The following RIPOR3 variants were observed in gnomAD, a reference collection of about 807,000 sequenced individuals.
RIPOR3 encodes family with sequence similarity 65 member C.
RIPOR3 carries 95 observed loss-of-function variants against 114.3 expected under a neutral mutation model. The ratio of observed to expected loss-of-function variants is 0.83; its 90% CI spans 0.70 to 0.99. The LOEUF is 0.99. RIPOR3 is among the 50% of genes least tolerant of loss of function. The pLI is 0.00. For synonymous variants in RIPOR3, 575 were observed against 543.8 expected, an observed-to-expected ratio of 1.06 and a Z score of -0.80; for missense variants, 1,252 against 1,266.9, an observed-to-expected ratio of 0.99 and a Z score of 0.18.
At chr20:50,645,242 G>T (rs935682811) in intron 1 of RIPOR3, among the ~76,000 whole-genome samples, 1 of 152,198 alleles carries the variant, frequency 6.6e-6, no homozygotes, top group Non-Finnish European at 1.5e-5. Flanking sequence ...GGCAGGGACG[G>T]CCAAAAGCTC....
chr20:50,618,642 C>T (rs1367460682), intron 3 of RIPOR3, among the ~76,000 whole-genome samples: 1 of 152,184 alleles, frequency 6.6e-6, no homozygotes, highest in Non-Finnish European at 1.5e-5. Flanking sequence ...CCCTTACTAC[C>T]ATCTGATATT....
At chr20:50,661,747 G>A (rs892127467) in intron 1 of RIPOR3, among the ~76,000 whole-genome samples, 5 of 152,206 alleles carry the variant, frequency 3.3e-5, no homozygotes, top group African/African-American at 9.7e-5. Flanking sequence ...TAAAGGGCAG[G>A]TCGGGGCCTG....
At chr20:50,640,931 C>T (rs1600659746) in intron 1 of RIPOR3, among the ~76,000 whole-genome samples, 2 of 133,358 alleles carry the variant, frequency 1.5e-5, no homozygotes, top group East Asian at 2.1e-4. Context: ...TTTTTTGAGA[C>T]GGAGCTTTGC....
intron 1 of RIPOR3, among the ~76,000 whole-genome samples, chr20:50,651,380 T>C (rs1448595519): frequency 6.6e-6 from 1 of 152,208 alleles, no homozygotes; most frequent in Non-Finnish European, 1.5e-5. Flanking sequence ...AACTCAGCCA[T>C]GCCAGACTCT....
chr20:50,606,559 C>T (rs2083724168), intron 11 of RIPOR3, among the ~76,000 whole-genome samples: 1 of 152,146 alleles, frequency 6.6e-6, no homozygotes, highest in Non-Finnish European at 1.5e-5. Flanking sequence ...CCTCTATCTG[C>T]ATAGGGCGCC....
chr20:50,588,780 C>T (rs1368783101), intron 20 of RIPOR3, among the ~76,000 whole-genome samples: 1 of 146,632 alleles, frequency 6.8e-6, no homozygotes, highest in South Asian at 2.2e-4. Context: ...AAAAAAAACA[C>T]CACAAATAAA....
intron 1 of RIPOR3, among the ~76,000 whole-genome samples, chr20:50,671,298 C>G (rs1423886918): frequency 2.6e-5 from 4 of 152,128 alleles, no homozygotes; most frequent in Admixed American, 2.6e-4. Flanking sequence ...CATGGGTAGG[C>G]ACTTCTAATG....
chr20:50,670,675 C>T (rs1370053931), intron 1 of RIPOR3, among the ~76,000 whole-genome samples: 1 of 152,146 alleles, frequency 6.6e-6, no homozygotes, highest in African/African-American at 2.4e-5. Context: ...TGTTAGTAGG[C>T]GCTCAGTAAA....
chr20:50,611,122 GCA>G, intron 5 of RIPOR3, 57 bp downstream of exon 5: 1 of 1,612,352 alleles, frequency 6.2e-7, no homozygotes, highest in Admixed American at 1.7e-5. Flanking sequence ...ATGCAATGAG[GCA>G]CAGTCATTCT....
intron 1 of RIPOR3, among the ~76,000 whole-genome samples, chr20:50,677,671 CTTT>C (rs1341300055): frequency 3.1e-5 from 4 of 130,714 alleles, no homozygotes. Flanking sequence ...CGCGCCTGGC[CTTT>C]TTTTTTTTTT....
intron 1 of RIPOR3, among the ~76,000 whole-genome samples, chr20:50,679,446 C>A (rs1412961600): frequency 6.6e-6 from 1 of 150,596 alleles, no homozygotes; most frequent in Non-Finnish European, 1.5e-5. Flanking sequence ...AGTTCGAGAC[C>A]AGCCTGGGCA....
chr20:50,619,078 G>A (rs1018670421), intron 3 of RIPOR3, among the ~76,000 whole-genome samples: 2 of 152,090 alleles, frequency 1.3e-5, no homozygotes, highest in African/African-American at 4.8e-5. Context: ...CAGGCGTGGT[G>A]GCAGGTGCCT....
chr20:50,605,594 C>G (rs1372717914), intron 11 of RIPOR3, among the ~76,000 whole-genome samples: 1 of 151,806 alleles, frequency 6.6e-6, no homozygotes, highest in Non-Finnish European at 1.5e-5. Flanking sequence ...CCTGGCAAAA[C>G]CCCCGTCTCT....
At chr20:50,667,868 C>T (rs1379197357) in intron 1 of RIPOR3, among the ~76,000 whole-genome samples, 3 of 152,184 alleles carry the variant, frequency 2.0e-5, no homozygotes, top group Non-Finnish European at 4.4e-5. Flanking sequence ...AGTTCCGTAG[C>T]CTCTCTGAGC....
rs138342331 is a variant in RIPOR3 at position 50,680,667 on chromosome 20, C to T, written c.3+10459G>A. On this transcript the variant is annotated intron_variant, in intron 1 of 21. Coordinates refer to ENST00000327979, the MANE Select transcript of RIPOR3 (RefSeq NM_001290268.2). ...ACAGCTCAACCAGAGCAGCCTCTTA[C>T]GCAATACAATGGTCATGAAGGTCAG... Among the ~76,000 whole-genome samples the T allele has an allele frequency of 8.6e-3, 1,303 of 152,350 alleles. 26 individuals carry two copies. Among genetic ancestry groups the T allele is most frequent in the African/African-American group, 0.029 (1,200 of 41,592 alleles).
chr20:50,680,164 C>T (rs1024312406), intron 1 of RIPOR3, among the ~76,000 whole-genome samples: 2 of 152,200 alleles, frequency 1.3e-5, no homozygotes, highest in African/African-American at 2.4e-5. Context: ...TGTCATTAGA[C>T]GAGGCTCAAC....
intron 11 of RIPOR3, 87 bp downstream of exon 11, chr20:50,608,302 G>C: frequency 1.9e-6 from 3 of 1,575,820 alleles, no homozygotes; most frequent in Non-Finnish European, 2.6e-6. Flanking sequence ...GGCAGAGGCT[G>C]GTGCAGGAAC....
chr20:50,649,753 G>T (rs574663633), intron 1 of RIPOR3, among the ~76,000 whole-genome samples: 117 of 152,340 alleles, frequency 7.7e-4, no homozygotes, highest in African/African-American at 2.6e-3. Flanking sequence ...AGTTTACAGG[G>T]AAGCGCTCCC....
intron 11 of RIPOR3, among the ~76,000 whole-genome samples, chr20:50,608,043 A>G (rs943981343): frequency 6.6e-6 from 1 of 151,874 alleles, no homozygotes; most frequent in African/African-American, 2.4e-5. Context: ...TCGGCCAGGA[A>G]TGAGGGGGTG....
Sources: gnomAD v4.1 joint callset for allele counts (sites outside exome capture counted in the v4.1 genomes callset) on GRCh38, gnomAD v4.1.1 for gene constraint, MANE v1.5 for transcripts, NCBI Gene and HGNC (gene_info 2026-07-23, HGNC 2026-07-21) for gene names.